FAR2: variants seen among roughly 807,000 people sequenced by gnomAD.
FAR2 encodes fatty acyl-CoA reductase 2, also known as epididymis secretory protein Li 81.
FAR2 carries 19 observed loss-of-function variants against 56.0 expected under a neutral mutation model. The ratio of observed to expected loss-of-function variants is 0.34; its 90% CI spans 0.24 to 0.50. The LOEUF is 0.50. Ranked by LOEUF, FAR2 falls within the 20% of genes least tolerant of loss-of-function variation. The pLI, the probability that FAR2 is intolerant of heterozygous loss-of-function variation, is 0.98. For synonymous variants in FAR2, 219 were observed against 218.8 expected, an observed-to-expected ratio of 1.00 and a Z score of -0.01; for missense variants, 508 against 642.2, an observed-to-expected ratio of 0.79 and a Z score of 2.26.
chr12:29,192,384 G>A (rs1255927937), intron 1 of FAR2, among the ~76,000 whole-genome samples: 1 of 152,184 alleles, frequency 6.6e-6, no homozygotes, highest in East Asian at 1.9e-4. Flanking sequence ...AAGAAGCCAA[G>A]AAGACTACCT....
intron 1 of FAR2, among the ~76,000 whole-genome samples, chr12:29,256,330 G>A (rs148302068): frequency 6.6e-6 from 1 of 152,094 alleles, no homozygotes; most frequent in African/African-American, 2.4e-5. Context: ...TGAGATTACA[G>A]GCATGTGCTA....
At chr12:29,239,257 A>G (rs1376113509) in intron 1 of FAR2, among the ~76,000 whole-genome samples, 4 of 152,130 alleles carry the variant, frequency 2.6e-5, no homozygotes, top group African/African-American at 9.7e-5. Context: ...TCCTTAGCAA[A>G]CTAAACAAAT....
chr12:29,255,841 C>T (rs762482042), intron 1 of FAR2, among the ~76,000 whole-genome samples: 5 of 151,696 alleles, frequency 3.3e-5, no homozygotes, highest in Non-Finnish European at 5.9e-5. Context: ...TATTAAATTG[C>T]CTTTTCAGTT....
At chr12:29,152,920 G>A (rs1035274145) in intron 1 of FAR2, among the ~76,000 whole-genome samples, 4 of 152,156 alleles carry the variant, frequency 2.6e-5, no homozygotes, top group Non-Finnish European at 5.9e-5. Flanking sequence ...AAGACTTTTG[G>A]GTGCCCAGGG....
chr12:29,316,655 CTG>C (rs1949455635), intron 8 of FAR2, among the ~76,000 whole-genome samples, 184 bp from the exon 9 acceptor site: 1 of 152,210 alleles, frequency 6.6e-6, no homozygotes, highest in Admixed American at 6.5e-5. Flanking sequence ...CCCATTCACA[CTG>C]TTTCAGTTTG....
intron 1 of FAR2, among the ~76,000 whole-genome samples, chr12:29,220,976 C>G (rs148143898): frequency 2.0e-5 from 3 of 152,076 alleles, no homozygotes; most frequent in Admixed American, 2.0e-4. Context: ...GCAGGCTGTC[C>G]TTATCCACAT....
intron 10 of FAR2, among the ~76,000 whole-genome samples, chr12:29,325,457 GCACCA>G (rs1949628979): frequency 6.6e-6 from 1 of 152,096 alleles, no homozygotes; most frequent in Non-Finnish European, 1.5e-5. Flanking sequence ...ATTATTTCCA[GCACCA>G]CACCACACCT....
At chr12:29,234,494 G>C (rs1271678241) in intron 1 of FAR2, among the ~76,000 whole-genome samples, 1 of 151,862 alleles carries the variant, frequency 6.6e-6, no homozygotes, top group Non-Finnish European at 1.5e-5. Context: ...TTTGATTCAG[G>C]CTCTCTATAT....
At chr12:29,238,941 G>T (rs1947982410) in intron 1 of FAR2, among the ~76,000 whole-genome samples, 1 of 152,148 alleles carries the variant, frequency 6.6e-6, no homozygotes, top group Non-Finnish European at 1.5e-5. Context: ...ATGGAAGCTT[G>T]CTTCTTCAAA....
chr12:29,189,611 G>A (rs1950082422), intron 1 of FAR2, among the ~76,000 whole-genome samples: 1 of 152,176 alleles, frequency 6.6e-6, no homozygotes, highest in African/African-American at 2.4e-5. Context: ...GCTAAGAAAT[G>A]CATGATTTGT....
At chr12:29,284,904 C>G (rs533473783) in intron 2 of FAR2, among the ~76,000 whole-genome samples, 1 of 152,098 alleles carries the variant, frequency 6.6e-6, no homozygotes, top group Non-Finnish European at 1.5e-5. Flanking sequence ...TGCAGTGGCG[C>G]GATCTCGGCT....
intron 1 of FAR2, among the ~76,000 whole-genome samples, chr12:29,170,312 T>C (rs1361272352): frequency 3.9e-5 from 6 of 152,242 alleles, no homozygotes; most frequent in Admixed American, 2.6e-4. Flanking sequence ...GTCAGACCTT[T>C]GTATGGTAAT....
chr12:29,316,585 A>C (rs1296821986), intron 8 of FAR2, among the ~76,000 whole-genome samples: 2 of 152,300 alleles, frequency 1.3e-5, no homozygotes, highest in South Asian at 2.1e-4. Context: ...TGTATTGACA[A>C]GTGTTTCCCC....
At chr12:29,174,751 G>A (rs571585888) in intron 1 of FAR2, among the ~76,000 whole-genome samples, 80 of 152,218 alleles carry the variant, frequency 5.3e-4, no homozygotes, top group Non-Finnish European at 7.6e-4. Context: ...AACTAGCCTC[G>A]GAGAAGAGAG....
chr12:29,297,233 G>C, intron 4 of FAR2, 33 bp downstream of exon 4: 1 of 1,571,340 alleles, frequency 6.4e-7, no homozygotes, highest in Non-Finnish European at 8.7e-7. Flanking sequence ...TCAAGGGGCG[G>C]GTAGAATAAG....
intron 1 of FAR2, among the ~76,000 whole-genome samples, chr12:29,243,650 T>G (rs1306444631): frequency 6.6e-6 from 1 of 152,184 alleles, no homozygotes; most frequent in Non-Finnish European, 1.5e-5. Flanking sequence ...GGTCATTTTC[T>G]GTGGAATTAT....
At chr12:29,316,689 CAAAAATCT>C (rs2136801869) in intron 8 of FAR2, 144 bp from the exon 9 acceptor site, 1 of 757,008 alleles carries the variant, frequency 1.3e-6, no homozygotes, top group Non-Finnish European at 2.1e-6. Context: ...TTGCCCAGCA[CAAAAATCT>C]TTATATTGTT....
intron 2 of FAR2, among the ~76,000 whole-genome samples, chr12:29,274,139 C>T (rs1486632499): frequency 6.6e-6 from 1 of 151,482 alleles, no homozygotes; most frequent in Non-Finnish European, 1.5e-5. Flanking sequence ...GTGTGCTGCA[C>T]CCATTAACTC....
At chr12:29,251,459 C>G (rs574079882) in intron 1 of FAR2, among the ~76,000 whole-genome samples, 1 of 152,140 alleles carries the variant, frequency 6.6e-6, no homozygotes, top group Non-Finnish European at 1.5e-5. Flanking sequence ...CTAGGAAACC[C>G]TAAACATCAT....
Sources: allele counts gnomAD v4.1 joint callset (sites outside exome capture counted in the v4.1 genomes callset), GRCh38; gene constraint gnomAD v4.1.1; transcripts MANE v1.5; gene names NCBI Gene and HGNC (gene_info 2026-07-23, HGNC 2026-07-21).